CYP7B1: variants seen among roughly 807,000 people sequenced by gnomAD.
The protein encoded by CYP7B1 is cytochrome P450 family 7 subfamily B member 1.
Under a neutral mutation model 42.7 loss-of-function variants are expected in CYP7B1, and 29 were observed. That is an observed-to-expected ratio of 0.68 (90% CI 0.51 to 0.93). The LOEUF is 0.93. Among genes scored for constraint, CYP7B1 ranks in the 40% least tolerant of loss-of-function variants. CYP7B1 has a pLI of 0.00. For synonymous variants in CYP7B1, 235 were observed against 218.2 expected (o/e 1.08, Z -0.68); for missense variants, 655 against 600.5 (o/e 1.09, Z -0.95).
intron 1 of CYP7B1, among the ~76,000 whole-genome samples, chr8:64,785,270 G>T (rs778871215): frequency 4.6e-5 from 7 of 152,148 alleles, no homozygotes; most frequent in African/African-American, 1.7e-4. Flanking sequence ...CTGCAAAATG[G>T]TACAGTCATT....
intron 1 of CYP7B1, among the ~76,000 whole-genome samples, chr8:64,666,149 A>C (rs1379629315): frequency 6.6e-6 from 1 of 152,150 alleles, no homozygotes; most frequent in African/African-American, 2.4e-5. Flanking sequence ...AGTTTTTCAA[A>C]CCCCCAATAA....
intron 2 of CYP7B1, 118 bp downstream of exon 2, chr8:64,624,285 C>A: frequency 9.8e-7 from 1 of 1,021,954 alleles, no homozygotes; most frequent in South Asian, 1.6e-5. Context: ...ATTAGCTCTA[C>A]AAAATAAAAT....
intron 1 of CYP7B1, among the ~76,000 whole-genome samples, chr8:64,673,013 G>A (rs901747795): frequency 6.6e-6 from 1 of 151,966 alleles, no homozygotes; most frequent in Non-Finnish European, 1.5e-5. Flanking sequence ...CATGTTCAAA[G>A]GCAAGGGAGA....
chr8:64,641,283 A>G (rs1032254663), intron 1 of CYP7B1, among the ~76,000 whole-genome samples: 6 of 152,202 alleles, frequency 3.9e-5, no homozygotes, highest in African/African-American at 1.2e-4. Context: ...GAATATCTCT[A>G]GAATTGACTT....
intron 1 of CYP7B1, among the ~76,000 whole-genome samples, chr8:64,729,331 C>A (rs1222491345): frequency 6.6e-6 from 1 of 152,212 alleles, no homozygotes; most frequent in Non-Finnish European, 1.5e-5. Context: ...CACACATGCA[C>A]ACATACACAC....
chr8:64,595,633 CTT>C lies in CYP7B1; in HGVS notation c.*1007_*1008del, dbSNP rs1805106055. Among the ~76,000 whole-genome samples the C allele has an allele frequency of 6.6e-6, 1 of 152,142 alleles. No individual in the cohort carries two copies. Among genetic ancestry groups the C allele is most frequent in the Non-Finnish European group, 1.5e-5 (1 of 68,028 alleles). On this transcript the variant is annotated 3_prime_UTR_variant, in exon 6 of 6. Transcript: ENST00000310193. ...GATACTCTCTCAATTGAAAAAAAAT[CTT>C]TGAATTATTGACACAATGCTGCATG...
At chr8:64,605,801 C>T (rs1805270123) in intron 4 of CYP7B1, among the ~76,000 whole-genome samples, 1 of 152,036 alleles carries the variant, frequency 6.6e-6, no homozygotes. Flanking sequence ...TTTTCTCCCC[C>T]TTCACATGAT....
intron 5 of CYP7B1, among the ~76,000 whole-genome samples, chr8:64,599,446 C>A (rs1805167756): frequency 6.6e-6 from 1 of 152,162 alleles, no homozygotes. Flanking sequence ...CCTCGGCCTC[C>A]CAAAGTGCTG....
chr8:64,639,059 C>G (rs1805815092), intron 1 of CYP7B1, among the ~76,000 whole-genome samples: 1 of 151,924 alleles, frequency 6.6e-6, no homozygotes, highest in African/African-American at 2.4e-5. Context: ...TCAGAAATAG[C>G]TGGATTTTCA....
At chr8:64,708,633 C>T (rs1200686559) in intron 1 of CYP7B1, among the ~76,000 whole-genome samples, 3 of 152,056 alleles carry the variant, frequency 2.0e-5, no homozygotes, top group South Asian at 4.1e-4. Context: ...GTCATGAGGA[C>T]TTTTAAACTA....
chr8:64,742,910 A>G (rs1807591323), intron 1 of CYP7B1, among the ~76,000 whole-genome samples: 1 of 152,180 alleles, frequency 6.6e-6, no homozygotes, highest in African/African-American at 2.4e-5. Context: ...TGATTGTTAT[A>G]AAAAGTTTTT....
chr8:64,761,097 A>G (rs945711264), intron 1 of CYP7B1, among the ~76,000 whole-genome samples: 6 of 152,198 alleles, frequency 3.9e-5, no homozygotes, highest in African/African-American at 1.4e-4. Context: ...CAATAAAGCA[A>G]GCATTAGATG....
At chr8:64,618,820 T>G (rs1313011044) in intron 2 of CYP7B1, among the ~76,000 whole-genome samples, 1 of 152,182 alleles carries the variant, frequency 6.6e-6, no homozygotes. Context: ...AAATCAGTAC[T>G]GTTAACTTCA....
At chr8:64,684,875 A>G (rs1209912244) in intron 1 of CYP7B1, among the ~76,000 whole-genome samples, 1 of 152,212 alleles carries the variant, frequency 6.6e-6, no homozygotes, top group East Asian at 1.9e-4. Flanking sequence ...CAAAACCACA[A>G]TGAGATACCA....
intron 1 of CYP7B1, among the ~76,000 whole-genome samples, chr8:64,715,961 A>T (rs1171262723): frequency 6.6e-6 from 1 of 152,206 alleles, no homozygotes; most frequent in Non-Finnish European, 1.5e-5. Context: ...CTATTTTTTT[A>T]AATTAACAAA....
At position 64,748,778 on chromosome 8, in the gene CYP7B1, T is replaced by C. The variant is rs181120489; in HGVS notation, c.122+49688A>G. ...TTTTATCTGCACCCATGACTTCAAC[T>C]AAAAATGACCTCCAAACTCACATCC... is the stretch of plus-strand genomic sequence containing the variant. On this transcript the variant is annotated intron_variant, in intron 1 of 5. Transcript: ENST00000310193. Among the ~76,000 whole-genome samples the C allele has an allele frequency of 1.3e-5, 2 of 152,314 alleles. 1 individual carries two copies. The highest frequency in any genetic ancestry group is 2.9e-5 in the Non-Finnish European group (2 of 68,030).
chr8:64,723,578 A>G (rs1193141077), intron 1 of CYP7B1, among the ~76,000 whole-genome samples: 1 of 152,226 alleles, frequency 6.6e-6, no homozygotes, highest in Non-Finnish European at 1.5e-5. Flanking sequence ...TTTAGTTGGG[A>G]ACACATGTCC....
At chr8:64,753,953 T>C (rs548639132) in intron 1 of CYP7B1, among the ~76,000 whole-genome samples, 5 of 152,082 alleles carry the variant, frequency 3.3e-5, no homozygotes, top group African/African-American at 7.2e-5. Context: ...ACCATGTCCA[T>C]GCAACAAAGA....
chr8:64,748,174 G>A (rs1261363480), intron 1 of CYP7B1, among the ~76,000 whole-genome samples: 1 of 152,122 alleles, frequency 6.6e-6, no homozygotes, highest in African/African-American at 2.4e-5. Context: ...AGTCATCTTT[G>A]CCCAGGACTG....
Sources: gnomAD v4.1 joint callset for allele counts (sites outside exome capture counted in the v4.1 genomes callset) on GRCh38, gnomAD v4.1.1 for gene constraint, MANE v1.5 for transcripts, NCBI Gene and HGNC (gene_info 2026-07-23, HGNC 2026-07-21) for gene names.